RAPGEF3: variants seen among roughly 807,000 people sequenced by gnomAD.
RAPGEF3 encodes Rap guanine nucleotide exchange factor 3.
A neutral mutation model predicts 129.8 loss-of-function variants in RAPGEF3; 103 were observed. The ratio of observed to expected loss-of-function variants is 0.79; its 90% CI spans 0.68 to 0.93. RAPGEF3 has a LOEUF of 0.93. Ranked by LOEUF, RAPGEF3 falls within the 40% of genes least tolerant of loss-of-function variation. The pLI, the probability that RAPGEF3 is intolerant of heterozygous loss-of-function variation, is 0.00. For synonymous variants in RAPGEF3, 436 were observed against 482.6 expected (o/e 0.90, Z 1.26); for missense variants, 1,117 against 1,207.4 (o/e 0.93, Z 1.11).
chr12:47,746,864 A>G lies in RAPGEF3; in HGVS notation c.1592T>C (p.Met531Thr). 1 of 1,596,468 alleles carries G rather than the reference A, an allele frequency of 6.3e-7. No homozygotes were observed. Among genetic ancestry groups the G allele is most frequent in the Non-Finnish European group, 8.5e-7 (1 of 1,174,752 alleles). The change falls in exon 16 of 28, where the codon ATG becomes ACG. Residue 531 changes from methionine (M) to threonine (T), a missense_variant. Met to Thr is a moderately conservative substitution (Grantham distance 81, BLOSUM62 -1). Around this residue, in one of 3 missense-constraint regions of RAPGEF3, gnomAD observed 643 missense variants for 673.4 expected, o/e 0.95. Coordinates refer to ENST00000449771, the MANE Select transcript of RAPGEF3 (RefSeq NM_001098531.4). ...AAACTGGGGCCAGGCAGACACCTTC[A>G]TCTGAGGAGATGCATTCCCACAGCC... is the stretch of plus-strand genomic sequence containing the variant. ...ENGCGNASPQ[M>T]KARNLPVWLP...
chr12:47,738,003 A>T lies in RAPGEF3; in HGVS notation c.2653+19T>A. On this transcript the variant is annotated intron_variant, in intron 27 of 27. Transcript: ENST00000449771. ...ATAAGCACCCCCTCCCTGCCCACCC[A>T]CCATCGCCCACCACTTACATGTGGA... 1 of 755,974 alleles carries T rather than the reference A, an allele frequency of 1.3e-6. No homozygotes were observed. Among genetic ancestry groups the T allele is most frequent in the Non-Finnish European group, 2.2e-6 (1 of 455,118 alleles). 46.8% of individuals were successfully genotyped at this position (755,974 alleles called of 1,614,324 possible). A position where few individuals can be genotyped will look rare whatever the true frequency, so the allele number is the denominator to read the frequency against.
chr12:47,737,945 G>A (rs2072117), intron 27 of RAPGEF3, 77 bp downstream of exon 27: 425,926 of 1,515,382 alleles, frequency 0.28, 63,162 homozygotes, highest in South Asian at 0.31. Flanking sequence ...CACATGGCAA[G>A]TGCCTAGGAT....
chr12:47,749,873 A>G lies in RAPGEF3; in HGVS notation c.818-56T>C. On this transcript the variant is annotated intron_variant, in intron 8 of 27. Transcript: ENST00000449771. This position sits in a 1 kb window ranked among gnomAD's most constrained non-coding sequence, Gnocchi z 4.5. ...CCTGGCACCTACCATTCCTTCACACATCCTTCTGCCCATGTCCAGGCCCTG... is the reference window on the plus strand; with the variant it reads ...CCTGGCACCTACCATTCCTTCACACGTCCTTCTGCCCATGTCCAGGCCCTG... The G allele has an allele frequency of 6.2e-7, 1 of 1,613,604 alleles. No homozygotes were observed.
chr12:47,739,576 G>A, intron 23 of RAPGEF3: 1 of 478,434 alleles, frequency 2.1e-6, no homozygotes, highest in Non-Finnish European at 3.9e-6. Flanking sequence ...AGCCCCACGA[G>A]GTGGATTTTC....
intron 19 of RAPGEF3, 189 bp from the exon 20 acceptor site, chr12:47,741,229 T>A: frequency 1.2e-6 from 1 of 802,192 alleles, no homozygotes; most frequent in Non-Finnish European, 1.9e-6. Context: ...CTGAGACCCC[T>A]CCTTTTGGGC....
chr12:47,743,403 G>C (rs971451624), intron 18 of RAPGEF3, 127 bp downstream of exon 18: 1 of 1,268,454 alleles, frequency 7.9e-7, no homozygotes, highest in African/African-American at 1.5e-5. Context: ...TCCCATTAAT[G>C]CTAGCCATCA....
rs569631267 is a variant in RAPGEF3 at position 47,743,592 on chromosome 12, G to A, written c.1763C>T (p.Ala588Val). Residue 588 changes from alanine to valine, a missense_variant, in exon 18 of 28, where the codon GCG becomes GTG. Physicochemically the swap from Ala to Val is moderately conservative, Grantham distance 64. Transcript: ENST00000449771. ...GGTCCAGCCATCCTCCTGGGCCAAC[G>A]CTGCCATCACCTCTCTCACGGAGGC... is the stretch of plus-strand genomic sequence containing the variant. The part of the protein sequence containing the change: ...VTASVREVMA[A>V]LAQEDGWTKG... 7.1e-5 allele frequency: 114 copies of A among 1,614,166 alleles called. No homozygotes were observed. In the South Asian group the frequency reaches 7.5e-4, roughly 11 times the overall value.
At chr12:47,744,332 A>G in intron 16 of RAPGEF3, 1 of 490,390 alleles carries the variant, frequency 2.0e-6, no homozygotes, top group South Asian at 2.7e-5. Flanking sequence ...AGATAGGTCC[A>G]GAGCAGTTCT....
At chr12:47,753,041 A>G (rs758935723) in intron 2 of RAPGEF3, among the ~76,000 whole-genome samples, 8 of 152,340 alleles carry the variant, frequency 5.3e-5, no homozygotes, top group Non-Finnish European at 7.4e-5. Flanking sequence ...ATGCTCTACC[A>G]TCTACGAGCC....
intron 23 of RAPGEF3, chr12:47,739,839 A>G: frequency 2.0e-6 from 1 of 495,308 alleles, no homozygotes; most frequent in Non-Finnish European, 3.7e-6. Flanking sequence ...GGCACCTCAG[A>G]CCCCAGGACT....
rs574937207 is a variant in RAPGEF3 at position 47,757,969 on chromosome 12, G to A, written c.116C>T (p.Thr39Ile). ...GALPDVVPEGTLLNMVLRRMH... is the reference protein window; with the variant it reads ...GALPDVVPEGILLNMVLRRMH... ...CCTTCTCAACACCATGTTGAGTAGTGTCCCCTCCGGCACCACGTCAGGGAG... is the reference window on the plus strand; with the variant it reads ...CCTTCTCAACACCATGTTGAGTAGTATCCCCTCCGGCACCACGTCAGGGAG... Residue 39 changes from threonine to isoleucine, a missense_variant, in exon 2 of 28, where the codon ACA becomes ATA. Physicochemically the swap from Thr to Ile is moderately conservative, Grantham distance 89 (BLOSUM62 -1). Coordinates refer to ENST00000449771, the MANE Select transcript of RAPGEF3 (RefSeq NM_001098531.4). 26 of 1,563,764 alleles carry A rather than the reference G, an allele frequency of 1.7e-5. No homozygotes were observed. The highest frequency in any genetic ancestry group is 3.8e-5 in the Admixed American group (2 of 52,736).
At chr12:47,747,195 G>A (rs575250978) in intron 15 of RAPGEF3, among the ~76,000 whole-genome samples, 30 of 152,312 alleles carry the variant, frequency 2.0e-4, no homozygotes, top group South Asian at 8.3e-4. Flanking sequence ...AGCTGCTCCC[G>A]TGGGAATATC....
In RAPGEF3 at chr12:47,749,872, C is replaced by G; in HGVS notation, c.818-55G>C. 1 of 1,613,858 alleles carries G rather than the reference C, an allele frequency of 6.2e-7. No individual in the cohort carries two copies. The highest frequency in any genetic ancestry group is 8.5e-7 in the Non-Finnish European group (1 of 1,179,698). On this transcript the variant is annotated intron_variant, in intron 8 of 27. Coordinates refer to ENST00000449771, the MANE Select transcript of RAPGEF3 (RefSeq NM_001098531.4). This position sits in a 1 kb window ranked among gnomAD's most constrained non-coding sequence, Gnocchi z 4.5. ...TCCTGGCACCTACCATTCCTTCACA[C>G]ATCCTTCTGCCCATGTCCAGGCCCT...
chr12:47,749,872 C>T lies in RAPGEF3; in HGVS notation c.818-55G>A, dbSNP rs1941643728. On this transcript the variant is annotated intron_variant, in intron 8 of 27. Transcript: ENST00000449771. This position sits in a 1 kb window ranked among gnomAD's most constrained non-coding sequence, Gnocchi z 4.5. ...TCCTGGCACCTACCATTCCTTCACA[C>T]ATCCTTCTGCCCATGTCCAGGCCCT... The T allele has an allele frequency of 1.4e-5, 23 of 1,613,858 alleles. No individual in the cohort carries two copies. The highest frequency in any genetic ancestry group is 1.9e-5 in the Non-Finnish European group (22 of 1,179,698).
chr12:47,748,834 G>A lies in RAPGEF3; in HGVS notation c.1139C>T (p.Thr380Ile), dbSNP rs1272701073. The change falls in exon 11 of 28, where the codon ACC becomes ATC. Residue 380 changes from threonine (T) to isoleucine (I), a missense_variant. By Grantham distance (89) the Thr-to-Ile change is moderately conservative. Coordinates refer to ENST00000449771, the MANE Select transcript of RAPGEF3 (RefSeq NM_001098531.4). ...GGTGTATTACCGGTTCCTGCCTGGGGTTGGGGGTCGGGAAGGGCCGGCGCC... is the reference window on the plus strand; with the variant it reads ...GGTGTATTACCGGTTCCTGCCTGGGATTGGGGGTCGGGAAGGGCCGGCGCC... Reference protein sequence around the residue: ...SQGAGPSRPPTPGRNRYTVMS... With the variant: ...SQGAGPSRPPIPGRNRYTVMS... 3 of 1,612,728 alleles carry A rather than the reference G, an allele frequency of 1.9e-6. No individual in the cohort carries two copies. Among genetic ancestry groups the A allele is most frequent in the East Asian group, 2.2e-5 (1 of 44,886 alleles).
At chr12:47,744,238 A>T in intron 16 of RAPGEF3, 170 bp from the exon 17 acceptor site, 1 of 618,636 alleles carries the variant, frequency 1.6e-6, no homozygotes, top group Non-Finnish European at 2.9e-6. Context: ...GGCACCTGGG[A>T]CCAAGGATCC....
rs775263685 is a variant in RAPGEF3 at position 47,738,265 on chromosome 12, G to T, written c.2527-18C>A. On this transcript the variant is annotated intron_variant, in intron 25 of 27. Transcript: ENST00000449771. ...ATCATTCTCTGCGGACAACACCGGGGCATAAGCTCTTGCCTGAGGGAGAAA... is the reference window on the plus strand; with the variant it reads ...ATCATTCTCTGCGGACAACACCGGGTCATAAGCTCTTGCCTGAGGGAGAAA... The T allele has an allele frequency of 5.6e-6, 9 of 1,612,434 alleles. 1 individual carries two copies. Among genetic ancestry groups the T allele is most frequent in the East Asian group, 4.5e-5 (2 of 44,862 alleles).
At chr12:47,755,726 A>C (rs1942015447) in intron 2 of RAPGEF3, 1 of 152,252 alleles carries the variant, frequency 6.6e-6, no homozygotes, top group South Asian at 2.1e-4. Context: ...AGCTGTCTTC[A>C]GACTTCTTCT....
chr12:47,737,956 G>T, intron 27 of RAPGEF3, 66 bp downstream of exon 27: 1 of 1,533,676 alleles, frequency 6.5e-7, no homozygotes, highest in Non-Finnish European at 9.0e-7. Flanking sequence ...TGCCTAGGAT[G>T]TGCCAGCCAT....
Sources: gnomAD v4.1 joint callset for allele counts (sites outside exome capture counted in the v4.1 genomes callset) on GRCh38, gnomAD v4.1.1 for gene constraint, gnomAD v4.1.1 regional missense constraint, Gnocchi (gnomAD v3.1) non-coding constraint, MANE v1.5 for transcripts, NCBI Gene and HGNC (gene_info 2026-07-23, HGNC 2026-07-21) for gene names.